Variants in SLAIN2 observed in about 807,000 individuals in gnomAD.
The protein encoded by SLAIN2 is SLAIN family member 2.
SLAIN2 carries 31 observed loss-of-function variants against 56.6 expected under a neutral mutation model. That is an observed-to-expected ratio of 0.55 (90% CI 0.41 to 0.74). The LOEUF is 0.74. Among genes scored for constraint, SLAIN2 ranks in the 30% least tolerant of loss-of-function variants. The pLI is 0.00. For missense variants in SLAIN2, 777 were observed against 754.2 expected, an observed-to-expected ratio of 1.03 and a Z score of -0.35; for synonymous variants, 317 against 284.9, an observed-to-expected ratio of 1.11 and a Z score of -1.13.
chr4:48,407,117 C>A (rs1190293471), intron 6 of SLAIN2, among the ~76,000 whole-genome samples: 1 of 151,888 alleles, frequency 6.6e-6, no homozygotes, highest in African/African-American at 2.4e-5. Flanking sequence ...TTTGTGGGAA[C>A]TCCTGTTGTA....
intron 6 of SLAIN2, among the ~76,000 whole-genome samples, chr4:48,414,441 A>G (rs1439974082): frequency 1.3e-5 from 2 of 152,120 alleles, no homozygotes; most frequent in African/African-American, 2.4e-5. Context: ...TTTACTAACA[A>G]TTTACACATT....
chr4:48,412,313 G>GGCAATTATCT (rs1716877791), intron 6 of SLAIN2, among the ~76,000 whole-genome samples: 2 of 150,772 alleles, frequency 1.3e-5, no homozygotes, highest in Non-Finnish European at 1.5e-5. Flanking sequence ...CCCTACCAGG[G>GGCAATTATCT]TGGAGATATC....
chr4:48,423,930 T>C lies in SLAIN2; in HGVS notation c.*1853T>C, dbSNP rs906692698. On this transcript the variant is annotated 3_prime_UTR_variant, in exon 8 of 8. Coordinates refer to ENST00000264313, the MANE Select transcript of SLAIN2 (RefSeq NM_020846.2). The stretch of plus-strand genomic sequence containing the variant: ...TAAGTAAGTAAAAGAAAGAAGTAGC[T>C]ACTGTCTCTTTTAAAAACCACGTAC... 3 of 152,142 alleles carry C rather than the reference T, an allele frequency of 2.0e-5. No homozygotes were observed. The highest frequency in any genetic ancestry group is 2.9e-5 in the Non-Finnish European group (2 of 68,018). 9.4% of individuals were successfully genotyped at this position (152,142 alleles called of 1,614,324 possible).
intron 3 of SLAIN2, 80 bp from the exon 4 acceptor site, chr4:48,379,610 A>G (rs370861794): frequency 4.5e-6 from 5 of 1,118,312 alleles, no homozygotes; most frequent in Non-Finnish European, 5.9e-6. Context: ...AAAGGGTATA[A>G]TATCAAGTTA....
intron 1 of SLAIN2, among the ~76,000 whole-genome samples, chr4:48,350,137 A>G (rs1714972953): frequency 6.6e-6 from 1 of 152,198 alleles, no homozygotes. Context: ...GAAAAACACA[A>G]CTTTGGTTTT....
At chr4:48,413,029 A>G (rs892248636) in intron 6 of SLAIN2, among the ~76,000 whole-genome samples, 1 of 152,048 alleles carries the variant, frequency 6.6e-6, no homozygotes, top group Non-Finnish European at 1.5e-5. Flanking sequence ...GGAGGTTGAG[A>G]CCAGCCAGAC....
At chr4:48,375,223 G>A (rs115881698) in intron 2 of SLAIN2, among the ~76,000 whole-genome samples, 2,301 of 152,222 alleles carry the variant, frequency 0.015, 40 homozygotes, top group African/African-American at 0.051. Flanking sequence ...GTAGAATTTA[G>A]CAACTGTATT....
intron 3 of SLAIN2, among the ~76,000 whole-genome samples, chr4:48,378,463 A>C (rs2291475): frequency 0.43 from 65,532 of 151,976 alleles, 14,476 homozygotes; most frequent in East Asian, 0.53. Flanking sequence ...TTAGAGGTGA[A>C]TGTACCAGCA....
intron 1 of SLAIN2, among the ~76,000 whole-genome samples, chr4:48,351,430 G>T (rs1183072713): frequency 7.2e-5 from 11 of 152,170 alleles, no homozygotes; most frequent in African/African-American, 2.4e-5. Context: ...TTTCTCCTCT[G>T]AGTGGGAGAT....
At chr4:48,390,341 A>G (rs1310638982) in intron 6 of SLAIN2, among the ~76,000 whole-genome samples, 2 of 151,966 alleles carry the variant, frequency 1.3e-5, no homozygotes, top group Non-Finnish European at 2.9e-5. Flanking sequence ...GGCCTCCCAA[A>G]TGACTCTAAA....
rs137983934 is a variant in SLAIN2 at position 48,383,102 on chromosome 4, A to C, written c.1222+175A>C. On this transcript the variant is annotated intron_variant, in intron 5 of 7. Transcript: ENST00000264313. ...AGGATTGGTTGAGCCCAGGAGTTCAAAGCTACAGTGAGCTGTGATCACACC... is the reference window on the plus strand; with the variant it reads ...AGGATTGGTTGAGCCCAGGAGTTCACAGCTACAGTGAGCTGTGATCACACC... Among the ~76,000 whole-genome samples the C allele has an allele frequency of 1.7e-3, 254 of 151,116 alleles. 1 individual carries two copies. Among genetic ancestry groups the C allele is most frequent in the African/African-American group, 5.9e-3 (244 of 41,052 alleles).
chr4:48,357,694 T>TACAGGCATGCACCACCACGCCCGGCTAA (rs1715196958), intron 1 of SLAIN2, among the ~76,000 whole-genome samples: 2 of 152,354 alleles, frequency 1.3e-5, no homozygotes, highest in Admixed American at 6.5e-5. Context: ...TAGCTGGGAC[T>TACAGGCATGCACCACCACGCCCGGCTAA]ACAGGCATGC....
chr4:48,391,162 T>C (rs1471739092), intron 6 of SLAIN2, among the ~76,000 whole-genome samples: 2 of 152,222 alleles, frequency 1.3e-5, no homozygotes, highest in Non-Finnish European at 2.9e-5. Flanking sequence ...TTGTTGTTTA[T>C]TTCTAATATG....
At position 48,377,894 on chromosome 4, in the gene SLAIN2, A is replaced by C. The variant is rs774115397; in HGVS notation, c.539-2A>C. On this transcript the variant is annotated splice_acceptor_variant, in intron 2 of 7. Transcript: ENST00000264313. LOFTEE classifies it high-confidence loss of function. ...TTGATTTTCCCCTTCTCATTAATGC[A>C]GCTCTCAAGAGGCAGAATTTATATA... The C allele has an allele frequency of 1.2e-6, 2 of 1,611,422 alleles. No individual in the cohort carries two copies. The highest frequency in any genetic ancestry group is 1.7e-6 in the Non-Finnish European group (2 of 1,179,188).
intron 6 of SLAIN2, among the ~76,000 whole-genome samples, chr4:48,401,530 A>G (rs1716556939): frequency 6.6e-6 from 1 of 152,140 alleles, no homozygotes; most frequent in African/African-American, 2.4e-5. Flanking sequence ...ACCGTATGTA[A>G]TGCCCTTCTT....
chr4:48,389,047 A>G (rs1179224307), intron 6 of SLAIN2, among the ~76,000 whole-genome samples: 1 of 152,190 alleles, frequency 6.6e-6, no homozygotes, highest in African/African-American at 2.4e-5. Context: ...TTCACTTACT[A>G]CCAAAACACT....
intron 6 of SLAIN2, among the ~76,000 whole-genome samples, chr4:48,390,719 T>C (rs1481366239): frequency 6.6e-6 from 1 of 152,206 alleles, no homozygotes; most frequent in African/African-American, 2.4e-5. Flanking sequence ...AATGTTTTTA[T>C]ATATTGATCT....
In SLAIN2 at chr4:48,349,326, C is replaced by A. The variant is rs1186702465; in HGVS notation, c.389+7198C>A. Among the ~76,000 whole-genome samples, 9 of 152,256 alleles carry A rather than the reference C, an allele frequency of 5.9e-5. 1 individual carries two copies. The South Asian group carries it at 1.9e-3, about 32-fold the overall frequency. The stretch of plus-strand genomic sequence containing the variant: ...TCAGTGACATTAATTTAAATGAAAT[C>A]AATCTATCAGTGATGTTAGGTTAAA... On this transcript the variant is annotated intron_variant, in intron 1 of 7. Transcript: ENST00000264313.
chr4:48,371,569 G>T (rs1715664894), intron 2 of SLAIN2, among the ~76,000 whole-genome samples: 1 of 152,050 alleles, frequency 6.6e-6, no homozygotes, highest in African/African-American at 2.4e-5. Context: ...TGGCATTAAT[G>T]TACTTAATGC....
Sources: allele counts gnomAD v4.1 joint callset (sites outside exome capture counted in the v4.1 genomes callset), GRCh38; gene constraint gnomAD v4.1.1; transcripts MANE v1.5; gene names NCBI Gene and HGNC (gene_info 2026-07-23, HGNC 2026-07-21).